The following ADAM18 variants were observed in gnomAD, a reference collection of about 807,000 sequenced individuals.
The protein encoded by ADAM18 is ADAM metallopeptidase domain 18, also known as disintegrin and metalloproteinase domain-containing protein 18.
ADAM18 carries 117 observed loss-of-function variants against 94.4 expected under a neutral mutation model. The observed-to-expected ratio is 1.24, with a 90% CI of 1.07 to 1.45. The LOEUF (loss-of-function observed/expected upper bound fraction) is 1.45, where lower values mean the gene tolerates loss of function less well. ADAM18 is among the 40% of genes most tolerant of loss of function. ADAM18 has a pLI of 0.00. For missense variants in ADAM18, 936 were observed against 880.0 expected (o/e 1.06, Z -0.81); for synonymous variants, 327 against 291.6 (o/e 1.12, Z -1.24).
intron 12 of ADAM18, among the ~76,000 whole-genome samples, chr8:39,649,346 A>T (rs58614774): frequency 0.036 from 5,440 of 151,998 alleles, 250 homozygotes; most frequent in African/African-American, 0.11. Context: ...ACTTAAATGT[A>T]TGTTGTACAT....
chr8:39,592,407 C>CTA (rs1314157456), intron 2 of ADAM18, among the ~76,000 whole-genome samples: 2 of 152,110 alleles, frequency 1.3e-5, no homozygotes, highest in Non-Finnish European at 1.5e-5. Context: ...TATTGCAGCA[C>CTA]TATTCACCAT....
intron 19 of ADAM18, among the ~76,000 whole-genome samples, chr8:39,728,067 C>T (rs998805611): frequency 4.6e-5 from 7 of 151,898 alleles, no homozygotes; most frequent in Non-Finnish European, 8.8e-5. Flanking sequence ...CAGGAGCAAG[C>T]GAGAGAGTCA....
At chr8:39,665,763 TATTTC>T (rs1426286773) in intron 13 of ADAM18, among the ~76,000 whole-genome samples, 6 of 152,224 alleles carry the variant, frequency 3.9e-5, no homozygotes, top group Admixed American at 2.0e-4. Flanking sequence ...GCTAATTTCA[TATTTC>T]ATTTCATGTG....
In ADAM18 at chr8:39,615,426, A is replaced by G. The variant is rs181629219; in HGVS notation, c.522+4720A>G. Among the ~76,000 whole-genome samples, 412 of 152,304 alleles carry G rather than the reference A, an allele frequency of 2.7e-3. 2 individuals are homozygous for G. The highest frequency in any genetic ancestry group is 4.8e-3 in the Non-Finnish European group (328 of 68,018). Reference sequence around the variant, plus strand: ...ACCAATGAAAACAAAGATACAACATACCAGAATCTCATTCAGTAGCAGGTT... The same window carrying G: ...ACCAATGAAAACAAAGATACAACATGCCAGAATCTCATTCAGTAGCAGGTT... On this transcript the variant is annotated intron_variant, in intron 6 of 19. Coordinates refer to ENST00000265707, the MANE Select transcript of ADAM18 (RefSeq NM_014237.3).
intron 14 of ADAM18, among the ~76,000 whole-genome samples, chr8:39,671,867 G>T (rs1158801189): frequency 6.6e-6 from 1 of 152,202 alleles, no homozygotes; most frequent in Non-Finnish European, 1.5e-5. Flanking sequence ...GTCCTAGCCA[G>T]CAGTTACTGC....
intron 16 of ADAM18, among the ~76,000 whole-genome samples, chr8:39,688,802 G>A (rs907263117): frequency 2.0e-5 from 3 of 152,158 alleles, no homozygotes; most frequent in Admixed American, 2.0e-4. Context: ...CTTCCACAAT[G>A]ATTGAACTAA....
chr8:39,635,571 CA>C (rs1244643117), intron 7 of ADAM18, among the ~76,000 whole-genome samples: 1 of 152,102 alleles, frequency 6.6e-6, no homozygotes, highest in Non-Finnish European at 1.5e-5. Context: ...AATGTTTCTA[CA>C]TTATTAACAA....
chr8:39,707,745 A>G (rs1822280482), intron 18 of ADAM18, among the ~76,000 whole-genome samples: 1 of 152,168 alleles, frequency 6.6e-6, no homozygotes, highest in Non-Finnish European at 1.5e-5. Flanking sequence ...ATTTATAATT[A>G]TACACATACA....
chr8:39,710,859 G>A (rs887809881), intron 18 of ADAM18, among the ~76,000 whole-genome samples: 2 of 152,090 alleles, frequency 1.3e-5, no homozygotes, highest in Non-Finnish European at 2.9e-5. Context: ...AAAATTACGT[G>A]GATATATGGA....
intron 1 of ADAM18, 93 bp from the exon 2 acceptor site, chr8:39,585,183 G>A (rs934441880): frequency 4.4e-6 from 4 of 904,350 alleles, no homozygotes; most frequent in Admixed American, 5.1e-5. Context: ...AATTTTAGGC[G>A]CCACCATGCA....
chr8:39,699,291 A>G (rs928106966), intron 17 of ADAM18, among the ~76,000 whole-genome samples: 15 of 152,122 alleles, frequency 9.9e-5, no homozygotes, highest in African/African-American at 3.6e-4. Context: ...TATTCATTCT[A>G]CGTTCATGGA....
intron 18 of ADAM18, among the ~76,000 whole-genome samples, chr8:39,707,930 T>C (rs1044030627): frequency 6.6e-6 from 1 of 152,148 alleles, no homozygotes; most frequent in East Asian, 1.9e-4. Flanking sequence ...GGGATCATGA[T>C]GAAGTAAAAT....
rs1819082363 is a variant in ADAM18, at chr8:39,606,307, A to G, written c.133A>G (p.Met45Val). The G allele has an allele frequency of 6.6e-7, 1 of 1,522,220 alleles. No individual in the cohort carries two copies. The highest frequency in any genetic ancestry group is 8.9e-7 in the Non-Finnish European group (1 of 1,118,922). 94.3% of individuals were successfully genotyped at this position (1,522,220 alleles called of 1,614,324 possible). A position where few individuals can be genotyped will look rare whatever the true frequency, so the allele number is the denominator to read the frequency against. ...SNDSEVSERK[M>V]IYIITIDGQP... is the part of the protein sequence containing the mutation. ...TCTTTACTGATGTGTTTTATTTTAGATGATTTACATCATTACAATTGATGG... is the reference window on the plus strand; with the variant it reads ...TCTTTACTGATGTGTTTTATTTTAGGTGATTTACATCATTACAATTGATGG... Residue 45 changes from methionine (M) to valine (V), a missense_variant and splice_region_variant, in exon 3 of 20, where the codon ATG (methionine) becomes GTG (valine). Physicochemically the swap from Met to Val is conservative, Grantham distance 21. Transcript: ENST00000265707.
chr8:39,622,039 A>G (rs969556423), intron 6 of ADAM18, among the ~76,000 whole-genome samples: 3 of 152,186 alleles, frequency 2.0e-5, no homozygotes, highest in Admixed American at 6.6e-5. Context: ...ATGTTTACCT[A>G]TGTAACAGAC....
At chr8:39,637,413 A>C in intron 8 of ADAM18, 78 bp downstream of exon 8, 1 of 1,441,848 alleles carries the variant, frequency 6.9e-7, no homozygotes, top group Non-Finnish European at 9.5e-7. Flanking sequence ...TGGCCAATGA[A>C]TAACTTAAAT....
chr8:39,696,686 G>A (rs1821935969), intron 17 of ADAM18, among the ~76,000 whole-genome samples: 1 of 151,500 alleles, frequency 6.6e-6, no homozygotes, highest in Non-Finnish European at 1.5e-5. Context: ...GTAAATGTTA[G>A]GGTTAATTTC....
intron 13 of ADAM18, among the ~76,000 whole-genome samples, chr8:39,665,701 T>C (rs1326467175): frequency 1.3e-5 from 2 of 152,236 alleles, no homozygotes. Context: ...ATACAAATTA[T>C]TGATTATAAA....
intron 2 of ADAM18, among the ~76,000 whole-genome samples, chr8:39,594,414 T>C (rs1470366745): frequency 1.3e-5 from 2 of 152,186 alleles, no homozygotes; most frequent in Non-Finnish European, 2.9e-5. Context: ...CTATGTTTTT[T>C]GTTCATTCTG....
intron 11 of ADAM18, 150 bp downstream of exon 11, chr8:39,645,624 A>C (rs1820356985): frequency 4.1e-6 from 3 of 730,328 alleles, no homozygotes; most frequent in Non-Finnish European, 6.5e-6. Flanking sequence ...AATTATGTAT[A>C]CTTAGGGATA....
Sources: gnomAD v4.1 joint callset for allele counts (sites outside exome capture counted in the v4.1 genomes callset) on GRCh38, gnomAD v4.1.1 for gene constraint, MANE v1.5 for transcripts, NCBI Gene and HGNC (gene_info 2026-07-23, HGNC 2026-07-21) for gene names.